Variants in VPS52 observed in about 807,000 individuals in gnomAD.
The protein encoded by VPS52 is VPS52 subunit of GARP complex, also known as vacuolar protein sorting-associated protein 52 homolog.
In VPS52, 56 loss-of-function variants were observed where a neutral mutation model predicts 98.7. The ratio of observed to expected loss-of-function variants is 0.57; its 90% confidence interval spans 0.46 to 0.71. VPS52 has a LOEUF of 0.71. VPS52 is among the 30% of genes least tolerant of loss of function. The pLI is 0.00. For missense variants in VPS52, 742 were observed against 925.9 expected (o/e 0.80, Z 2.58); for synonymous variants, 348 against 346.4 (o/e 1.00, Z -0.05).
chr6:33,251,469 A>G (rs372907290), intron 19 of VPS52, 49 bp downstream of exon 19: 1 of 1,290,716 alleles, frequency 7.7e-7, no homozygotes, highest in Non-Finnish European at 1.1e-6. Flanking sequence ...AGATGGGGAA[A>G]ATAATTAATG....
intron 17 of VPS52, among the ~76,000 whole-genome samples, chr6:33,252,335 T>G (rs1054322173): frequency 6.6e-6 from 1 of 152,150 alleles, no homozygotes; most frequent in Non-Finnish European, 1.5e-5. Context: ...ACGCCTGTAA[T>G]CCCAGCACTT....
chr6:33,253,991 T>C (rs1388739937), intron 17 of VPS52, among the ~76,000 whole-genome samples: 1 of 152,074 alleles, frequency 6.6e-6, no homozygotes, highest in Non-Finnish European at 1.5e-5. Context: ...CATAATAAAA[T>C]GTTAATTTTT....
At chr6:33,271,063 G>GGTGTT in intron 1 of VPS52, 1 of 249,404 alleles carries the variant, frequency 4.0e-6, no homozygotes, top group Non-Finnish European at 7.8e-6. Context: ...TCAGACTCCT[G>GGTGTT]CCATCTTGGG....
intron 17 of VPS52, among the ~76,000 whole-genome samples, chr6:33,253,204 T>C (rs1472756321): frequency 1.3e-5 from 2 of 152,180 alleles, no homozygotes; most frequent in African/African-American, 2.4e-5. Flanking sequence ...AAATCATTTA[T>C]GAAGGCCAGG....
rs537285931 is a variant in VPS52, at chr6:33,251,573, C to T, written c.1970G>A (p.Ser657Asn). The T allele has an allele frequency of 5.2e-5, 84 of 1,614,068 alleles. No individual in the cohort carries two copies. In the South Asian group the frequency reaches 8.9e-4, roughly 17 times the overall value. The change falls in exon 19 of 20, where the codon AGT becomes AAT. Residue 657 changes from serine to asparagine, a missense_variant. Ser to Asn is a conservative substitution (Grantham distance 46, BLOSUM62 1). Coordinates refer to ENST00000445902, the MANE Select transcript of VPS52 (RefSeq NM_022553.6). ...GGTGAAACTCCGCATTACATCCTGA[C>T]TCAGAGATTCCACTGATGATTTCCA... The part of the protein sequence containing the change: ...SSWKSSVESL[S>N]QDVMRSFTNF...
Position 33,267,145 on chromosome 6 carries a change from G to T in VPS52, c.1125+43C>A. 6.8e-7 allele frequency: 1 copy of T among 1,460,386 alleles called. No homozygotes were observed. The highest frequency in any genetic ancestry group is 9.1e-7 in the Non-Finnish European group (1 of 1,104,478). The allele number at this position is 1,460,386 out of a possible 1,614,324, so 90.5% of individuals were successfully genotyped here. A position where few individuals can be genotyped will look rare whatever the true frequency, so the allele number is the denominator to read the frequency against. ...AGGTCTGGCCTTCCCTCCCCACCGT[G>T]CTCAGAGCCTCTTTCGTGACTGAAG... On this transcript the variant is annotated intron_variant, in intron 11 of 19. Transcript: ENST00000445902. This position sits in a 1 kb window ranked among gnomAD's most constrained non-coding sequence, Gnocchi z 4.2.
intron 18 of VPS52, 40 bp downstream of exon 18, chr6:33,251,820 C>T (rs772107034): frequency 8.1e-6 from 13 of 1,600,516 alleles, no homozygotes; most frequent in Non-Finnish European, 1.1e-5. Context: ...TTTCCACTTC[C>T]CTTACCACTG....
At chr6:33,260,613 T>C (rs1763514034) in intron 17 of VPS52, among the ~76,000 whole-genome samples, 1 of 152,184 alleles carries the variant, frequency 6.6e-6, no homozygotes, top group Non-Finnish European at 1.5e-5. Flanking sequence ...GTGTTCTTGC[T>C]TTTTTCCCCC....
At chr6:33,264,244 GT>G in intron 14 of VPS52, 129 bp downstream of exon 14, 1 of 1,554,436 alleles carries the variant, frequency 6.4e-7, no homozygotes, top group Non-Finnish European at 8.8e-7. Flanking sequence ...CTCACCATGA[GT>G]TTCACCACCC....
chr6:33,264,068 A>C lies in VPS52; in HGVS notation c.1560T>G (p.Leu520=), dbSNP rs149782269. The change falls in exon 15 of 20, where the codon CTT becomes CTG. Residue 520 remains leucine, a synonymous_variant. Transcript: ENST00000445902. ...TAGGAATTGTCTGGTTGATACTGACAAGAGCGGAGGAGAACTCTGCATAGC... is the reference window on the plus strand; with the variant it reads ...TAGGAATTGTCTGGTTGATACTGACCAGAGCGGAGGAGAACTCTGCATAGC... The part of the protein sequence containing the change: ...TRRYAEFSSA[L]VSINQTIPNE... 9 of 1,614,106 alleles carry C rather than the reference A, an allele frequency of 5.6e-6. No homozygotes were observed. The highest frequency in any genetic ancestry group is 7.6e-6 in the Non-Finnish European group (9 of 1,180,050).
chr6:33,267,793 A>G lies in VPS52; in HGVS notation c.934-54T>C. 2.5e-6 allele frequency: 4 copies of G among 1,612,892 alleles called. No individual in the cohort carries two copies. The highest frequency in any genetic ancestry group is 3.4e-6 in the Non-Finnish European group (4 of 1,179,984). On this transcript the variant is annotated intron_variant, in intron 9 of 19. Transcript: ENST00000445902. This position sits in a 1 kb window ranked among gnomAD's most constrained non-coding sequence, Gnocchi z 4.2. ...CCGTCTCTTCCCACAACACAATAAA[A>G]TATTCCTTGCCCAGGGATGTCCCCT...
chr6:33,250,700 G>T lies in VPS52; in HGVS notation c.*141C>A. 9.0e-7 allele frequency: 1 copy of T among 1,106,246 alleles called. No homozygotes were observed. The highest frequency in any genetic ancestry group is 1.3e-6 in the Non-Finnish European group (1 of 774,896). The allele number at this position is 1,106,246 out of a possible 1,614,324, so 68.5% of individuals were successfully genotyped here. ...CTTATCCTGTTGGGCAAGGTGCTGG[G>T]AGTGAAGGCAGGTAAGCCATGTCAA... On this transcript the variant is annotated 3_prime_UTR_variant, in exon 20 of 20. Coordinates refer to ENST00000445902, the MANE Select transcript of VPS52 (RefSeq NM_022553.6).
intron 13 of VPS52, 41 bp from the exon 14 acceptor site, chr6:33,264,538 T>C (rs571793573): frequency 5.6e-6 from 9 of 1,611,962 alleles, no homozygotes; most frequent in South Asian, 5.5e-5. Context: ...CAGCAAGGAA[T>C]GTTGGAGGGG....
Position 33,271,690 on chromosome 6 carries a change from C to G in VPS52, c.-15G>C. On this transcript the variant is annotated 5_prime_UTR_variant, in exon 1 of 20. Transcript: ENST00000445902. ...GCGGCGGCCATTCCCCGCAGCCTCA[C>G]TTCCGGCAACTGTCAGTCCCGGCGA... The G allele has an allele frequency of 6.2e-7, 1 of 1,600,240 alleles. No individual in the cohort carries two copies. Among genetic ancestry groups the G allele is most frequent in the Non-Finnish European group, 8.5e-7 (1 of 1,172,720 alleles).
rs755729143 is a variant in VPS52, at chr6:33,263,511, G to A, written c.1767C>T (p.Phe589=). The part of the protein sequence containing the change: ...AADDSKEVES[F]QQLLNARTQE... ...GTGTCCGAGCATTGAGCAGCTGCTG[G>A]AAGCTCTCAACCTCTTTGCTGTCAT... Residue 589 remains phenylalanine, a synonymous_variant, in exon 17 of 20, where the codon TTC becomes TTT. Transcript: ENST00000445902. 1.9e-6 allele frequency: 3 copies of A among 1,613,788 alleles called. No individual in the cohort carries two copies. The highest frequency in any genetic ancestry group is 1.7e-5 in the Admixed American group (1 of 59,934).
rs1271985904 is a variant in VPS52, at chr6:33,270,208, C to T, written c.166G>A (p.Glu56Lys). Residue 56 changes from glutamate (E) to lysine (K), a missense_variant, in exon 2 of 20, where the codon GAA becomes AAA. Coordinates refer to ENST00000445902, the MANE Select transcript of VPS52 (RefSeq NM_022553.6). ...DITSDEFILD[E>K]VDVHIQANLE... ...CCATGCCATCGCTTACCATCCACTTCATCCAGGATGAATTCATCAGAAGTG... is the reference window on the plus strand; with the variant it reads ...CCATGCCATCGCTTACCATCCACTTTATCCAGGATGAATTCATCAGAAGTG... 1 of 1,612,970 alleles carries T rather than the reference C, an allele frequency of 6.2e-7. No homozygotes were observed. Among genetic ancestry groups the T allele is most frequent in the African/African-American group, 1.3e-5 (1 of 74,898 alleles).
At chr6:33,269,427 G>A in intron 5 of VPS52, 63 bp downstream of exon 5, 1 of 1,596,480 alleles carries the variant, frequency 6.3e-7, no homozygotes. Flanking sequence ...ACCTAAAAAT[G>A]GCACCAGAGT....
In VPS52 at chr6:33,267,787, A is replaced by G. The variant is rs546057952; in HGVS notation, c.934-48T>C. On this transcript the variant is annotated intron_variant, in intron 9 of 19. Coordinates refer to ENST00000445902, the MANE Select transcript of VPS52 (RefSeq NM_022553.6). This position sits in a 1 kb window ranked among gnomAD's most constrained non-coding sequence, Gnocchi z 4.2. ...TGATAACCGTCTCTTCCCACAACAC[A>G]ATAAAATATTCCTTGCCCAGGGATG... The G allele has an allele frequency of 1.2e-6, 2 of 1,612,902 alleles. No homozygotes were observed. Among genetic ancestry groups the G allele is most frequent in the East Asian group, 2.2e-5 (1 of 44,876 alleles).
intron 17 of VPS52, among the ~76,000 whole-genome samples, chr6:33,259,984 C>T (rs1291123352): frequency 6.6e-6 from 1 of 152,118 alleles, no homozygotes; most frequent in Non-Finnish European, 1.5e-5. Context: ...TGAAGATAAT[C>T]AATATCTATG....
Sources: allele counts gnomAD v4.1 joint callset (sites outside exome capture counted in the v4.1 genomes callset), GRCh38; gene constraint gnomAD v4.1.1; non-coding constraint Gnocchi (gnomAD v3.1); transcripts MANE v1.5; gene names NCBI Gene and HGNC (gene_info 2026-07-23, HGNC 2026-07-21).